Variants in ZNF28 observed in about 807,000 individuals in gnomAD.
ZNF28 encodes the protein zinc finger protein 28.
In ZNF28, 5 loss-of-function variants were observed where a neutral mutation model predicts 7.2. The ratio of observed to expected loss-of-function variants is 0.70; its 90% CI spans 0.36 to 1.46. The LOEUF is 1.46. ZNF28 is among the 40% of genes most tolerant of loss of function. The pLI is 0.03. For missense variants in ZNF28, 879 were observed against 866.6 expected, an observed-to-expected ratio of 1.01 and a Z score of -0.18; for synonymous variants, 288 against 292.4, an observed-to-expected ratio of 0.99 and a Z score of 0.15.
At chr19:52,816,216 A>T (rs1193464762) in intron 2 of ZNF28, among the ~76,000 whole-genome samples, 2 of 93,912 alleles carry the variant, frequency 2.1e-5, no homozygotes, top group Non-Finnish European at 5.7e-5. Flanking sequence ...ATAACCATTT[A>T]TATTCAATAA....
rs2062995028 is a variant in ZNF28 at position 52,809,927 on chromosome 19, G to A, written c.16-1794C>T. On this transcript the variant is annotated intron_variant, in intron 2 of 3. Transcript: ENST00000457749. The stretch of plus-strand genomic sequence containing the variant: ...ATCTTGTGCCCGGGGCCGGTGGGGA[G>A]GCCGGGGAGGTTGCCCCGGGGGGCG... 57 of 858,166 alleles carry A rather than the reference G, an allele frequency of 6.6e-5. 1 individual carries two copies. In the South Asian group the frequency reaches 7.8e-4, roughly 12 times the overall value. The allele number at this position is 858,166 out of a possible 1,614,324, so 53.2% of individuals were successfully genotyped here. A position where few individuals can be genotyped will look rare whatever the true frequency, so the allele number is the denominator to read the frequency against.
chr19:52,809,822 A>AGGCAGCAGC (rs202197218), intron 2 of ZNF28: 25 of 527,104 alleles, frequency 4.7e-5, no homozygotes, highest in Non-Finnish European at 6.4e-5. Context: ...TGAGCGGCGA[A>AGGCAGCAGC]GGCGGCGGCG....
Position 52,800,533 on chromosome 19 carries a change from G to A in ZNF28, c.1312C>T (p.Pro438Ser), listed in dbSNP as rs772436626. ...TTGCCACATTCATTACACTTGTAAG[G>A]CTTCTCTCCAGTGTGAATTATACTA... ...KHSIIHTGEK[P>S]YKCNECGKVF... The change falls in exon 4 of 4, where the codon CCT (proline) becomes TCT (serine). Residue 438 changes from proline to serine, a missense_variant. By Grantham distance (74) the Pro-to-Ser change is moderately conservative. This residue lies in a region of ZNF28 where 864 missense variants were observed against 830.2 expected (regional missense o/e 1.04). Transcript: ENST00000457749. 5.0e-6 allele frequency: 8 copies of A among 1,613,426 alleles called. No individual in the cohort carries two copies. Among genetic ancestry groups the A allele is most frequent in the Non-Finnish European group, 6.8e-6 (8 of 1,179,856 alleles).
At chr19:52,808,912 A>C (rs538040061) in intron 2 of ZNF28, among the ~76,000 whole-genome samples, 11 of 152,348 alleles carry the variant, frequency 7.2e-5, no homozygotes, top group Non-Finnish European at 1.2e-4. Flanking sequence ...GACTCACAAA[A>C]CACTAGATGT....
chr19:52,810,081 C>A lies in ZNF28; in HGVS notation c.16-1948G>T. The A allele has an allele frequency of 5.2e-6, 4 of 762,526 alleles. No homozygotes were observed. In the South Asian group the frequency reaches 5.8e-5, roughly 11 times the overall value. The allele number at this position is 762,526 out of a possible 1,614,324, so 47.2% of individuals were successfully genotyped here. A position where few individuals can be genotyped will look rare whatever the true frequency, so the allele number is the denominator to read the frequency against. On this transcript the variant is annotated intron_variant, in intron 2 of 3. Coordinates refer to ENST00000457749, the MANE Select transcript of ZNF28 (RefSeq NM_006969.5). ...CCTGGGAGCTCCAGGACCTGGGCCT[C>A]GTTCAGGAGCCACCGGCAGCCAAGA...
rs2062958666 is a variant in ZNF28, at chr19:52,808,030, T to C, written c.119A>G (p.Asn40Ser). The change falls in exon 3 of 4, where the codon AAT (asparagine) becomes AGT (serine). Residue 40 changes from asparagine (N) to serine (S), a missense_variant. By Grantham distance (46) the Asn-to-Ser change is conservative. Transcript: ENST00000457749. ...RTLYRDVMLE[N>S]YRNLVSLDIS... ...ACCCAGGGAGACCAGGTTCCTATAA[T>C]TCTCCAGCATCACATCCCTGTAAAG... 6.2e-7 allele frequency: 1 copy of C among 1,613,518 alleles called. No homozygotes were observed.
At chr19:52,809,536 G>A (rs2062985536) in intron 2 of ZNF28, among the ~76,000 whole-genome samples, 1 of 152,166 alleles carries the variant, frequency 6.6e-6, no homozygotes, top group African/African-American at 2.4e-5. Flanking sequence ...GGCCTGGCGC[G>A]GTGGCTCACG....
At position 52,818,005 on chromosome 19, in the gene ZNF28, C is replaced by T. The variant is rs767850013; in HGVS notation, c.-47G>A. ...CTTCCTCTTCTGGGTTTCTTCCTCA[C>T]GTACCAAGATTCTTTAGAAGTCAAT... is the stretch of plus-strand genomic sequence containing the variant. On this transcript the variant is annotated 5_prime_UTR_variant, in exon 2 of 4. In the 5' UTR this introduces an upstream ATG that the reference lacks. Coordinates refer to ENST00000457749, the MANE Select transcript of ZNF28 (RefSeq NM_006969.5). 59 of 1,609,542 alleles carry T rather than the reference C, an allele frequency of 3.7e-5. No individual in the cohort carries two copies. Among genetic ancestry groups the T allele is most frequent in the East Asian group, 2.0e-4 (9 of 44,850 alleles).
Position 52,814,105 on chromosome 19 carries a change from A to T in ZNF28, c.15+3839T>A, listed in dbSNP as rs1481478730. ...TAATGCTGCAGAAATACACGTGTAC[A>T]AGACTTGCTCTGACACCTGGCACAG... On this transcript the variant is annotated intron_variant, in intron 2 of 3. Coordinates refer to ENST00000457749, the MANE Select transcript of ZNF28 (RefSeq NM_006969.5). Among the ~76,000 whole-genome samples, 5 of 146,614 alleles carry T rather than the reference A, an allele frequency of 3.4e-5. 1 individual carries two copies. The East Asian group carries it at 1.0e-3, about 29-fold the overall frequency.
intron 2 of ZNF28, among the ~76,000 whole-genome samples, chr19:52,809,557 C>T (rs1455374757): frequency 6.6e-6 from 1 of 152,110 alleles, no homozygotes; most frequent in Non-Finnish European, 1.5e-5. Context: ...CCTGTAATCC[C>T]AGCACTTTAA....
intron 1 of ZNF28, among the ~76,000 whole-genome samples, chr19:52,820,364 G>A (rs1173751883): frequency 7.2e-6 from 1 of 138,236 alleles, no homozygotes; most frequent in African/African-American, 3.0e-5. Flanking sequence ...TGATCCACCC[G>A]CCTCGGCCTC....
At chr19:52,814,224 G>A (rs1337801241) in intron 2 of ZNF28, 3 of 146,122 alleles carry the variant, frequency 2.1e-5, no homozygotes, top group Non-Finnish European at 4.4e-5. Flanking sequence ...CTAAGCTGCA[G>A]CTTTCTTGGA....
At chr19:52,810,280 T>C (rs772491823) in intron 2 of ZNF28, 36 of 1,449,538 alleles carry the variant, frequency 2.5e-5, no homozygotes, top group Non-Finnish European at 3.0e-5. Context: ...ATCACGTCCA[T>C]TGAGGAGAAG....
chr19:52,808,241 A>C lies in ZNF28; in HGVS notation c.16-108T>G, dbSNP rs868637657. The C allele has an allele frequency of 1.6e-4, 241 of 1,532,676 alleles. No homozygotes were observed. In the Middle Eastern group the frequency reaches 3.2e-3, roughly 20 times the overall value. The allele number at this position is 1,532,676 out of a possible 1,614,324, so 94.9% of individuals were successfully genotyped here. On this transcript the variant is annotated intron_variant, in intron 2 of 3. Coordinates refer to ENST00000457749, the MANE Select transcript of ZNF28 (RefSeq NM_006969.5). The stretch of plus-strand genomic sequence containing the variant: ...GGATTTAGTTGTAGTGAATGTTCTC[A>C]CAAATCCGAGTGACGGATTTTTCAC...
At chr19:52,810,609 C>G in intron 2 of ZNF28, 1 of 1,492,106 alleles carries the variant, frequency 6.7e-7, no homozygotes, top group Non-Finnish European at 9.3e-7. Flanking sequence ...CCAACTACAG[C>G]AGTTCCTGCT....
chr19:52,820,615 G>A (rs941231591), intron 1 of ZNF28, among the ~76,000 whole-genome samples: 2 of 152,004 alleles, frequency 1.3e-5, no homozygotes, highest in South Asian at 2.1e-4. Flanking sequence ...CTTGCCACCA[G>A]CACCACTCTG....
intron 2 of ZNF28, among the ~76,000 whole-genome samples, chr19:52,811,813 C>A (rs1425199789): frequency 6.8e-6 from 1 of 146,350 alleles, no homozygotes; most frequent in African/African-American, 2.6e-5. Flanking sequence ...AGGTGAGGGG[C>A]TCCTCTGCCC....
Position 52,811,041 on chromosome 19 carries a change from C to T in ZNF28, c.16-2908G>A, listed in dbSNP as rs894996093. On this transcript the variant is annotated intron_variant, in intron 2 of 3. Transcript: ENST00000457749. ...AGTGCCTGCGATTGCAGGCACGCGCCGCCACGCCTGACTGGTTTTCGTTTT... is the reference window on the plus strand; with the variant it reads ...AGTGCCTGCGATTGCAGGCACGCGCTGCCACGCCTGACTGGTTTTCGTTTT... Among the ~76,000 whole-genome samples the T allele has an allele frequency of 8.7e-3, 1,293 of 149,258 alleles. 28 individuals are homozygous for T. Among genetic ancestry groups the T allele is most frequent in the African/African-American group, 0.03 (1,212 of 40,628 alleles).
chr19:52,798,416 G>A lies in ZNF28; in HGVS notation c.*1272C>T, dbSNP rs1287016611. The A allele has an allele frequency of 4.9e-6, 2 of 408,270 alleles. No individual in the cohort carries two copies. The highest frequency in any genetic ancestry group is 9.7e-6 in the Non-Finnish European group (2 of 205,778). The allele number at this position is 408,270 out of a possible 1,614,324, so 25.3% of individuals were successfully genotyped here. ...AATGTCAATTAATGCTTGATGGCTT[G>A]CTATACTAATGGCATTTGAAACAAC... On this transcript the variant is annotated 3_prime_UTR_variant, in exon 4 of 4. Coordinates refer to ENST00000457749, the MANE Select transcript of ZNF28 (RefSeq NM_006969.5).
Sources: allele counts gnomAD v4.1 joint callset (sites outside exome capture counted in the v4.1 genomes callset), GRCh38; gene constraint gnomAD v4.1.1; regional missense constraint gnomAD v4.1.1; transcripts MANE v1.5; gene names NCBI Gene and HGNC (gene_info 2026-07-23, HGNC 2026-07-21).